The following DPYD variants were observed in gnomAD, a reference collection of about 807,000 sequenced individuals.
The protein encoded by DPYD is dihydropyrimidine dehydrogenase.
DPYD carries 109 observed loss-of-function variants against 116.2 expected under a neutral mutation model. The observed-to-expected ratio is 0.94, with a 90% CI of 0.80 to 1.10. The LOEUF is 1.10. Among genes scored for constraint, DPYD ranks in the 50% least tolerant of loss-of-function variants. The pLI is 0.00. For synonymous variants in DPYD, 440 were observed against 432.0 expected, an observed-to-expected ratio of 1.02 and a Z score of -0.23; for missense variants, 1,302 against 1,254.5, an observed-to-expected ratio of 1.04 and a Z score of -0.57.
At chr1:97,879,048 C>A (rs1436039695) in intron 2 of DPYD, among the ~76,000 whole-genome samples, 1 of 151,880 alleles carries the variant, frequency 6.6e-6, no homozygotes, top group Non-Finnish European at 1.5e-5. Flanking sequence ...AAAAATTCTA[C>A]TAAAAGAGCT....
At chr1:97,459,825 G>A (rs1676915820) in intron 13 of DPYD, among the ~76,000 whole-genome samples, 1 of 151,984 alleles carries the variant, frequency 6.6e-6, no homozygotes, top group African/African-American at 2.4e-5. Context: ...AGCAAGCTGT[G>A]TAAAAATATA....
chr1:97,382,416 T>C lies in DPYD; in HGVS notation c.1951A>G (p.Thr651Ala). The change falls in exon 15 of 23, where the codon ACG becomes GCG. Residue 651 changes from threonine to alanine, a missense_variant. Coordinates refer to ENST00000370192, the MANE Select transcript of DPYD (RefSeq NM_000110.4). ...IMCSYNKNDW[T>A]ELAKKSEDSG... ...ACCTCAGACTTCTTGGCAAGTTCCG[T>C]CCAGTCATTTTTATTGTAACTGCAC... 6.3e-7 allele frequency: 1 copy of C among 1,599,146 alleles called. No individual in the cohort carries two copies. Among genetic ancestry groups the C allele is most frequent in the Non-Finnish European group, 8.5e-7 (1 of 1,172,322 alleles).
intron 8 of DPYD, among the ~76,000 whole-genome samples, chr1:97,615,726 A>C (rs1656222658): frequency 6.6e-6 from 1 of 152,122 alleles, no homozygotes; most frequent in South Asian, 2.1e-4. Flanking sequence ...TCTAAAATGA[A>C]AAATTCGAGG....
chr1:97,719,429 G>GA (rs994003110), intron 5 of DPYD, among the ~76,000 whole-genome samples: 1 of 151,688 alleles, frequency 6.6e-6, no homozygotes, highest in African/African-American at 2.4e-5. Flanking sequence ...TAATTTGGTT[G>GA]AAAAAATAGA....
intron 19 of DPYD, among the ~76,000 whole-genome samples, chr1:97,207,156 A>G (rs1171463889): frequency 6.6e-6 from 1 of 152,138 alleles, no homozygotes; most frequent in Admixed American, 6.6e-5. Flanking sequence ...AAAATATTGT[A>G]ATAGTATCAG....
At chr1:97,173,608 ACTCAAT>A (rs1273688478) in intron 20 of DPYD, among the ~76,000 whole-genome samples, 4 of 150,796 alleles carry the variant, frequency 2.7e-5, no homozygotes, top group East Asian at 2.0e-4. Context: ...CTTATTAATC[ACTCAAT>A]CTCAATTAAC....
At chr1:97,683,997 G>A (rs1660569040) in intron 7 of DPYD, among the ~76,000 whole-genome samples, 1 of 152,132 alleles carries the variant, frequency 6.6e-6, no homozygotes, top group South Asian at 2.1e-4. Context: ...TGAAAATGAA[G>A]TAAGTTTACA....
At chr1:97,920,170 T>C (rs897917793) in intron 1 of DPYD, among the ~76,000 whole-genome samples, 3 of 152,192 alleles carry the variant, frequency 2.0e-5, no homozygotes, top group Non-Finnish European at 4.4e-5. Context: ...TATATTAAGA[T>C]ACTAGAGAGA....
At chr1:97,308,692 G>A (rs11808765) in intron 16 of DPYD, among the ~76,000 whole-genome samples, 87,838 of 151,596 alleles carry the variant, frequency 0.58, 26,692 homozygotes, top group Middle Eastern at 0.75. Context: ...AAAGCAATTA[G>A]TAGTGTTTCT....
At chr1:97,697,035 A>T (rs1661345951) in intron 6 of DPYD, among the ~76,000 whole-genome samples, 1 of 152,152 alleles carries the variant, frequency 6.6e-6, no homozygotes, top group Non-Finnish European at 1.5e-5. Flanking sequence ...ATCAGAATGT[A>T]TATATGTACA....
chr1:97,196,409 C>T (rs1658815153), intron 19 of DPYD, among the ~76,000 whole-genome samples: 1 of 152,054 alleles, frequency 6.6e-6, no homozygotes, highest in South Asian at 2.1e-4. Flanking sequence ...GACCACCATG[C>T]TTGGCCTGCA....
intron 3 of DPYD, among the ~76,000 whole-genome samples, chr1:97,742,939 T>C (rs1664349528): frequency 6.6e-6 from 1 of 151,976 alleles, no homozygotes; most frequent in Admixed American, 6.6e-5. Flanking sequence ...AAGTCACAAG[T>C]TTTCTGCTTT....
intron 1 of DPYD, among the ~76,000 whole-genome samples, chr1:97,906,998 T>C (rs908366658): frequency 2.0e-5 from 3 of 152,082 alleles, no homozygotes; most frequent in Admixed American, 6.6e-5. Flanking sequence ...GACTCCAATA[T>C]TGCCACAGTC....
intron 18 of DPYD, among the ~76,000 whole-genome samples, chr1:97,269,655 G>A (rs1328059379): frequency 1.3e-5 from 2 of 152,080 alleles, no homozygotes; most frequent in African/African-American, 4.8e-5. Context: ...TCCTAGCTTG[G>A]AGATGGCTGC....
intron 19 of DPYD, among the ~76,000 whole-genome samples, chr1:97,221,603 G>C (rs1254166279): frequency 2.6e-5 from 4 of 151,970 alleles, no homozygotes; most frequent in African/African-American, 9.7e-5. Context: ...AGGTTTTCTA[G>C]ATCTCTAACT....
At chr1:97,463,557 A>C (rs1021951640) in intron 13 of DPYD, among the ~76,000 whole-genome samples, 2 of 152,174 alleles carry the variant, frequency 1.3e-5, no homozygotes, top group African/African-American at 4.8e-5. Flanking sequence ...AGTGACTATG[A>C]AACTGGATAG....
At chr1:97,780,117 CTTGGAA>C (rs1296309712) in intron 3 of DPYD, among the ~76,000 whole-genome samples, 2 of 152,112 alleles carry the variant, frequency 1.3e-5, no homozygotes, top group Non-Finnish European at 2.9e-5. Flanking sequence ...TCAGTGATGT[CTTGGAA>C]TTGAGGAAAA....
chr1:97,915,055 T>C (rs1305204181), intron 1 of DPYD, among the ~76,000 whole-genome samples: 1 of 152,170 alleles, frequency 6.6e-6, no homozygotes, highest in Non-Finnish European at 1.5e-5. Flanking sequence ...TAAAAAAGCA[T>C]ATATTTATGT....
chr1:97,304,677 A>C (rs1181266422), intron 18 of DPYD, among the ~76,000 whole-genome samples: 2 of 152,002 alleles, frequency 1.3e-5, no homozygotes, highest in African/African-American at 4.8e-5. Context: ...TCACAGTCAC[A>C]GAGTGCACAG....
Sources: gnomAD v4.1 joint callset for allele counts (sites outside exome capture counted in the v4.1 genomes callset) on GRCh38, gnomAD v4.1.1 for gene constraint, MANE v1.5 for transcripts, NCBI Gene and HGNC (gene_info 2026-07-23, HGNC 2026-07-21) for gene names.